Variants in VRK2 observed in about 807,000 individuals in gnomAD.
VRK2 encodes the protein VRK serine/threonine kinase 2, also known as serine/threonine-protein kinase VRK2.
In VRK2, 60 loss-of-function variants were observed where a neutral mutation model predicts 57.6. The ratio of observed to expected loss-of-function variants is 1.04; its 90% CI spans 0.85 to 1.29. The LOEUF (loss-of-function observed/expected upper bound fraction) is 1.29, where lower values mean the gene tolerates loss of function less well. Ranked by LOEUF, VRK2 falls within the 50% of genes most tolerant of loss-of-function variation. The pLI, the probability that VRK2 is intolerant of heterozygous loss-of-function variation, is 0.00. For synonymous variants in VRK2, 231 were observed against 199.2 expected, an observed-to-expected ratio of 1.16 and a Z score of -1.35; for missense variants, 705 against 588.1, an observed-to-expected ratio of 1.20 and a Z score of -2.06.
At chr2:58,025,202 A>T (rs1457100923) in intron 1 of VRK2, among the ~76,000 whole-genome samples, 1 of 152,224 alleles carries the variant, frequency 6.6e-6, no homozygotes, top group Non-Finnish European at 1.5e-5. Context: ...GCAGATAACT[A>T]AACTGCTCAG....
intron 1 of VRK2, among the ~76,000 whole-genome samples, chr2:57,984,910 T>C (rs1420202217): frequency 6.6e-6 from 1 of 151,964 alleles, no homozygotes. Context: ...AGCTGGAAGA[T>C]ATAATTAAAT....
At chr2:58,031,525 C>T (rs1016295190) in intron 2 of VRK2, among the ~76,000 whole-genome samples, 7 of 152,124 alleles carry the variant, frequency 4.6e-5, no homozygotes, top group Admixed American at 6.6e-5. Context: ...ATAAAGAAAA[C>T]ATTCAAGTAC....
In VRK2 at chr2:57,958,884, T is replaced by A. The variant is rs115606218; in HGVS notation, c.-439+51045T>A. 3.8e-3 allele frequency among the ~76,000 whole-genome samples: 575 copies of A among 152,268 alleles called. 6 individuals carry two copies. Among genetic ancestry groups the A allele is most frequent in the African/African-American group, 0.013 (553 of 41,548 alleles). On this transcript the variant is annotated intron_variant, in intron 1 of 15. Coordinates refer to the VRK2 transcript ENST00000417641. ...TGGACTCAGGGCATACAGATGTAGATCAGTTGTGTCATTGCTTGTATTCAA... is the reference window on the plus strand; with the variant it reads ...TGGACTCAGGGCATACAGATGTAGAACAGTTGTGTCATTGCTTGTATTCAA...
upstream of VRK2, among the ~76,000 whole-genome samples, chr2:58,043,691 C>G (rs988880393): frequency 1.3e-5 from 2 of 152,134 alleles, no homozygotes; most frequent in Non-Finnish European, 2.9e-5. Flanking sequence ...TGAAGCTGCT[C>G]TAAAGATTCC....
chr2:57,910,483 C>T (rs2717001), intron 1 of VRK2, among the ~76,000 whole-genome samples: 99,354 of 152,052 alleles, frequency 0.65, 32,890 homozygotes, highest in African/African-American at 0.78. Context: ...TCTGTAGATT[C>T]TGAAGACAAA....
intron 2 of VRK2, among the ~76,000 whole-genome samples, chr2:58,031,338 G>C (rs1384609353): frequency 6.6e-6 from 1 of 151,948 alleles, no homozygotes; most frequent in Non-Finnish European, 1.5e-5. Flanking sequence ...GAAGAAGAGA[G>C]GCTTTGTTCC....
intron 11 of VRK2, among the ~76,000 whole-genome samples, chr2:58,141,459 A>G (rs917907686): frequency 6.6e-6 from 1 of 151,988 alleles, no homozygotes; most frequent in African/African-American, 2.4e-5. Flanking sequence ...TCCATCAAGA[A>G]TATTTTATCC....
chr2:58,075,702 T>A (rs1209941750), intron 2 of VRK2, among the ~76,000 whole-genome samples: 1 of 152,232 alleles, frequency 6.6e-6, no homozygotes, highest in African/African-American at 2.4e-5. Flanking sequence ...TTTCTCAGCT[T>A]CCTGTACCCT....
chr2:58,132,554 C>A lies in VRK2; in HGVS notation c.797+626C>A, dbSNP rs540575951. On this transcript the variant is annotated intron_variant, in intron 9 of 12. Transcript: ENST00000340157. ...GTGTTACTGTTTTACAATTCTCTCA[C>A]TGATCAGGCCTAAGAAAAAGTCAAT... Among the ~76,000 whole-genome samples, 59 of 152,272 alleles carry A rather than the reference C, an allele frequency of 3.9e-4. 1 individual carries two copies. Among genetic ancestry groups the A allele is most frequent in the African/African-American group, 1.3e-3 (53 of 41,544 alleles).
At chr2:58,093,841 A>G (rs911516717) in intron 7 of VRK2, among the ~76,000 whole-genome samples, 5 of 152,170 alleles carry the variant, frequency 3.3e-5, no homozygotes, top group Non-Finnish European at 7.3e-5. Flanking sequence ...TAATTTTTGT[A>G]TAAAGTGTAA....
chr2:58,117,370 C>T (rs1183381412), intron 7 of VRK2, among the ~76,000 whole-genome samples: 3 of 151,900 alleles, frequency 2.0e-5, no homozygotes, highest in Non-Finnish European at 4.4e-5. Context: ...GTAAGCCGGA[C>T]CAGGTGTGAG....
chr2:57,982,848 G>A (rs1000375030), intron 1 of VRK2, among the ~76,000 whole-genome samples: 10 of 152,198 alleles, frequency 6.6e-5, no homozygotes, highest in African/African-American at 2.2e-4. Flanking sequence ...CAGTGCAGCC[G>A]TTCCCACACC....
chr2:58,087,476 T>A (rs1056485148), intron 5 of VRK2, among the ~76,000 whole-genome samples: 23 of 152,260 alleles, frequency 1.5e-4, no homozygotes, highest in Non-Finnish European at 2.6e-4. Context: ...AAAATACTTA[T>A]AATATGATCA....
intron 7 of VRK2, among the ~76,000 whole-genome samples, chr2:58,102,501 A>T (rs1175554998): frequency 6.6e-6 from 1 of 151,292 alleles, no homozygotes; most frequent in Admixed American, 6.6e-5. Flanking sequence ...TTAAAAAAAA[A>T]AAAAAAGACA....
At chr2:57,939,814 T>C (rs546226257) in intron 1 of VRK2, among the ~76,000 whole-genome samples, 2 of 152,330 alleles carry the variant, frequency 1.3e-5, no homozygotes, top group South Asian at 4.1e-4. Flanking sequence ...TCTTATGTGT[T>C]CTTTAACATG....
intron 7 of VRK2, among the ~76,000 whole-genome samples, chr2:58,121,607 T>C (rs188204095): frequency 3.1e-3 from 468 of 152,330 alleles, no homozygotes; most frequent in Non-Finnish European, 5.5e-3. Flanking sequence ...CTGTGCTGTT[T>C]ATATTTTAAA....
intron 7 of VRK2, among the ~76,000 whole-genome samples, chr2:58,094,568 CG>C (rs1418660309): frequency 1.1e-4 from 16 of 152,084 alleles, no homozygotes; most frequent in Admixed American, 5.9e-4. Flanking sequence ...TGGGCTGAGA[CG>C]ATGGGGTTTT....
chr2:58,059,701 A>C (rs1677047973), intron 2 of VRK2, among the ~76,000 whole-genome samples: 1 of 151,830 alleles, frequency 6.6e-6, no homozygotes, highest in Non-Finnish European at 1.5e-5. Flanking sequence ...ATTATTATAT[A>C]CTCAAGGGTG....
At position 58,138,079 on chromosome 2, in the gene VRK2, G is replaced by A. The variant is rs1043421514; in HGVS notation, c.857-1587G>A. ...AGTGCCAGGAGTTTTCCATTGTCTT[G>A]TAACAGTGATTTGTTCCCAGCACAT... is the stretch of plus-strand genomic sequence containing the variant. On this transcript the variant is annotated intron_variant, in intron 10 of 12. Transcript: ENST00000340157. Among the ~76,000 whole-genome samples the A allele has an allele frequency of 2.0e-5, 3 of 152,088 alleles. No homozygotes were observed. The East Asian group carries it at 5.8e-4, about 29-fold the overall frequency.
Sources: allele counts gnomAD v4.1 joint callset (sites outside exome capture counted in the v4.1 genomes callset), GRCh38; gene constraint gnomAD v4.1.1; transcripts MANE v1.5; gene names NCBI Gene and HGNC (gene_info 2026-07-23, HGNC 2026-07-21).